Variants in CHFR observed in about 807,000 individuals in gnomAD.
The protein encoded by CHFR is checkpoint with forkhead and ring finger domains, also known as E3 ubiquitin-protein ligase CHFR.
A neutral mutation model predicts 87.6 loss-of-function variants in CHFR; 57 were observed. The observed-to-expected ratio is 0.65, with a 90% CI of 0.53 to 0.81. The LOEUF is 0.81. Ranked by LOEUF, CHFR falls within the 30% of genes least tolerant of loss-of-function variation. The pLI is 0.00. For synonymous variants in CHFR, 381 were observed against 359.2 expected (o/e 1.06, Z -0.69); for missense variants, 797 against 865.8 (o/e 0.92, Z 1.00).
In CHFR at chr12:132,857,491, C is replaced by T; in HGVS notation, c.980G>A (p.Cys327Tyr). 2 of 1,614,174 alleles carry T rather than the reference C, an allele frequency of 1.2e-6. No homozygotes were observed. The highest frequency in any genetic ancestry group is 1.7e-6 in the Non-Finnish European group (2 of 1,180,016). ...CTCCACGGGACAGCGGCAGGTAGGA[C>T]ACAGGGACGAGCGCTCCATCCAGCC... The part of the protein sequence containing the change: ...YSGWMERSSL[C>Y]PTCRCPVERI... The change falls in exon 9 of 18, where the codon TGT becomes TAT. Residue 327 changes from cysteine to tyrosine, a missense_variant. Around this residue, in one of 2 missense-constraint regions of CHFR, gnomAD observed 597 missense variants for 601.2 expected, o/e 0.99. Coordinates refer to ENST00000450056, the MANE Select transcript of CHFR (RefSeq NM_001161346.2).
chr12:132,848,710 G>A lies in CHFR; in HGVS notation c.1507C>T (p.Gln503Ter). 1 of 1,587,020 alleles carries A rather than the reference G, an allele frequency of 6.3e-7. No individual in the cohort carries two copies. The highest frequency in any genetic ancestry group is 8.6e-7 in the Non-Finnish European group (1 of 1,166,804). ...VAPQQCAVCL[Q>*]PFCHLYWGCT... ...CCCCAGTACAGGTGGCAGAAAGGCTGCAGGCAGACCGCACCTGTGGAGAGA... is the reference window on the plus strand; with the variant it reads ...CCCCAGTACAGGTGGCAGAAAGGCTACAGGCAGACCGCACCTGTGGAGAGA... Residue 503 changes from glutamine (Q) to a stop codon, truncating the protein, a stop_gained, in exon 13 of 18, where the codon CAG becomes TAG. Transcript: ENST00000450056. LOFTEE classifies it high-confidence loss of function.
intron 12 of CHFR, among the ~76,000 whole-genome samples, chr12:132,851,370 G>C (rs980595035): frequency 4.6e-5 from 7 of 152,140 alleles, no homozygotes; most frequent in Non-Finnish European, 8.8e-5. Context: ...GTGCTGGCAG[G>C]GGATAGACAC....
rs575665546 is a variant in CHFR at position 132,881,264 on chromosome 12, A to AG, written c.134-3611_134-3610insC. ...CAGAGCGAGACTCCATCTCAAAAAA[A>AG]AAAAAAAGTAAAAATCTGTTCTTCA... On this transcript the variant is annotated intron_variant, in intron 2 of 17. Transcript: ENST00000450056. Among the ~76,000 whole-genome samples the AG allele has an allele frequency of 1.2e-3, 190 of 152,176 alleles. 1 individual carries two copies. Among genetic ancestry groups the AG allele is most frequent in the African/African-American group, 4.4e-3 (184 of 41,504 alleles).
At chr12:132,849,322 T>C (rs1247054683) in intron 12 of CHFR, 1 of 149,820 alleles carries the variant, frequency 6.7e-6, no homozygotes, top group African/African-American at 2.5e-5. Flanking sequence ...ACCCGTATCG[T>C]TTCTTAAACT....
intron 14 of CHFR, chr12:132,847,884 T>C: frequency 7.0e-7 from 1 of 1,422,572 alleles, no homozygotes; most frequent in Non-Finnish European, 9.2e-7. Flanking sequence ...TACCTATTTT[T>C]GGAATACGGA....
intron 13 of CHFR, 179 bp from the exon 14 acceptor site, chr12:132,848,334 C>G: frequency 8.3e-7 from 1 of 1,202,302 alleles, no homozygotes; most frequent in Non-Finnish European, 1.2e-6. Context: ...CATTCCACTC[C>G]CTCCTTAAAA....
At chr12:132,878,986 TG>T (rs1951700302) in intron 2 of CHFR, among the ~76,000 whole-genome samples, 1 of 148,986 alleles carries the variant, frequency 6.7e-6, no homozygotes, top group East Asian at 1.9e-4. Flanking sequence ...GATAGGCATT[TG>T]TTTTTTTTTT....
intron 17 of CHFR, among the ~76,000 whole-genome samples, 156 bp downstream of exon 17, chr12:132,842,855 A>T (rs1192233148): frequency 1.3e-5 from 2 of 152,244 alleles, no homozygotes; most frequent in African/African-American, 4.8e-5. Flanking sequence ...CATGAAACGA[A>T]GGGATAAAGG....
chr12:132,855,430 G>T lies in CHFR; in HGVS notation c.1229+1038C>A, dbSNP rs560445376. Among the ~76,000 whole-genome samples the T allele has an allele frequency of 1.5e-3, 221 of 151,946 alleles. 2 individuals are homozygous for T. Among genetic ancestry groups the T allele is most frequent in the Middle Eastern group, 3.4e-3 (1 of 290 alleles). ...GCCTGTAATCCCAGCACTTTGGGAG[G>T]TCGAGGCCGGCGGATCACGAGGTCA... On this transcript the variant is annotated intron_variant, in intron 10 of 17. Coordinates refer to ENST00000450056, the MANE Select transcript of CHFR (RefSeq NM_001161346.2).
intron 8 of CHFR, among the ~76,000 whole-genome samples, chr12:132,858,771 A>G (rs1014879740): frequency 6.8e-6 from 1 of 146,288 alleles, no homozygotes; most frequent in African/African-American, 2.5e-5. Context: ...AAAAATATTT[A>G]GAACATTAAA....
chr12:132,845,813 G>T (rs1037935636), intron 15 of CHFR, among the ~76,000 whole-genome samples: 1 of 152,168 alleles, frequency 6.6e-6, no homozygotes. Context: ...AGGACCTCTG[G>T]ATAGACAAGT....
chr12:132,870,659 CA>C (rs1421759288), intron 5 of CHFR, 64 bp downstream of exon 5: 1 of 1,199,120 alleles, frequency 8.3e-7, no homozygotes, highest in Admixed American at 1.8e-5. Flanking sequence ...GACTCCATCT[CA>C]AAACACAAAA....
intron 10 of CHFR, chr12:132,854,374 C>T (rs1279649305): frequency 2.0e-5 from 3 of 152,352 alleles, no homozygotes; most frequent in African/African-American, 4.8e-5. Flanking sequence ...TTCCCAGTCA[C>T]ACTCTGTGAC....
At chr12:132,862,286 A>G (rs1463859712) in intron 6 of CHFR, 1 of 253,506 alleles carries the variant, frequency 3.9e-6, no homozygotes, top group Non-Finnish European at 7.9e-6. Context: ...GGGAAAAAAA[A>G]ATAAAAATAA....
intron 15 of CHFR, among the ~76,000 whole-genome samples, chr12:132,846,179 C>T (rs1219042965): frequency 6.6e-6 from 1 of 152,006 alleles, no homozygotes; most frequent in Non-Finnish European, 1.5e-5. Flanking sequence ...TCTCAAGCAG[C>T]AGTAGTGGCA....
In CHFR at chr12:132,833,336, A is replaced by G. The variant is rs1204067485; in HGVS notation, c.*8218T>C. ...ATATTTATCGTAGCCTACTGTCTGC[A>G]AGTACTATTCTAGGCACTGTCCCAA... On this transcript the variant is annotated 3_prime_UTR_variant, in exon 18 of 18. Transcript: ENST00000450056. 6.6e-6 allele frequency: 1 copy of G among 152,282 alleles called. No individual in the cohort carries two copies. The highest frequency in any genetic ancestry group is 1.5e-5 in the Non-Finnish European group (1 of 68,060). 9.4% of individuals were successfully genotyped at this position (152,282 alleles called of 1,614,324 possible).
chr12:132,847,210 TA>T, intron 14 of CHFR, 80 bp from the exon 15 acceptor site: 2 of 1,577,786 alleles, frequency 1.3e-6, no homozygotes, highest in Non-Finnish European at 8.6e-7. Flanking sequence ...AAACATTTCA[TA>T]AAAGGCCCCT....
In CHFR at chr12:132,869,762, G is replaced by A. The variant is rs1267263973; in HGVS notation, c.440C>T (p.Pro147Leu). The A allele has an allele frequency of 1.3e-6, 2 of 1,551,468 alleles. No homozygotes were observed. The highest frequency in any genetic ancestry group is 1.2e-5 in the South Asian group (1 of 84,062). The part of the protein sequence containing the change: ...SGAGAGRGAD[P>L]RVPPSSPATQ... ...GGCGGGCGACGACGGAGGGACCCGG[G>A]GATCGGCCCCTCGCCCTGCACCTGC... The change falls in exon 6 of 18, where the codon CCC becomes CTC. Residue 147 changes from proline to leucine, a missense_variant. Physicochemically the swap from Pro to Leu is moderately conservative, Grantham distance 98 (BLOSUM62 -3). This residue lies in a region of CHFR where 597 missense variants were observed against 601.2 expected (regional missense o/e 0.99). Transcript: ENST00000450056.
chr12:132,845,464 A>AT (rs1950797392), intron 15 of CHFR, among the ~76,000 whole-genome samples: 1 of 144,866 alleles, frequency 6.9e-6, no homozygotes, highest in Non-Finnish European at 1.5e-5. Flanking sequence ...TCTCAAAAAA[A>AT]AAAATAAATA....
Sources: allele counts gnomAD v4.1 joint callset (sites outside exome capture counted in the v4.1 genomes callset), GRCh38; gene constraint gnomAD v4.1.1; regional missense constraint gnomAD v4.1.1; transcripts MANE v1.5; gene names NCBI Gene and HGNC (gene_info 2026-07-23, HGNC 2026-07-21).